The following ZNF654 variants were observed in gnomAD, a reference collection of about 807,000 sequenced individuals.
The protein encoded by ZNF654 is melanoma-associated antigen.
Under a neutral mutation model 95.3 loss-of-function variants are expected in ZNF654, and 19 were observed. That is an observed-to-expected ratio of 0.20 (90% confidence interval 0.14 to 0.29). The LOEUF (loss-of-function observed/expected upper bound fraction) is 0.29. Ranked by LOEUF, ZNF654 falls within the 10% of genes least tolerant of loss-of-function variation. The pLI is 1.00. For missense variants in ZNF654, 1,046 were observed against 1,341.0 expected, an observed-to-expected ratio of 0.78 and a Z score of 3.44; for synonymous variants, 413 against 457.9, an observed-to-expected ratio of 0.90 and a Z score of 1.25.
chr3:88,063,305 G>A (rs1706993578), intron 1 of ZNF654, among the ~76,000 whole-genome samples: 1 of 152,086 alleles, frequency 6.6e-6, no homozygotes, highest in Non-Finnish European at 1.5e-5. Context: ...CCTTTTATGC[G>A]TAATGCCGAT....
At chr3:88,125,912 T>C (rs1236902187) in intron 3 of ZNF654, among the ~76,000 whole-genome samples, 5 of 152,322 alleles carry the variant, frequency 3.3e-5, no homozygotes, top group Admixed American at 6.5e-5. Flanking sequence ...TTTGGGATTT[T>C]CTAAGTCCAG....
intron 7 of ZNF654, 58 bp from the exon 8 acceptor site, chr3:88,138,647 T>C: frequency 9.8e-7 from 1 of 1,020,768 alleles, no homozygotes; most frequent in Non-Finnish European, 1.3e-6. Flanking sequence ...AAAGATAGAC[T>C]AGTATAACCA....
intron 1 of ZNF654, among the ~76,000 whole-genome samples, chr3:88,069,911 A>C (rs1462282813): frequency 6.6e-6 from 1 of 152,222 alleles, no homozygotes; most frequent in African/African-American, 2.4e-5. Context: ...CTCCATATTT[A>C]GATTTAACCT....
chr3:88,114,846 C>T (rs753460757), intron 3 of ZNF654, among the ~76,000 whole-genome samples: 9 of 152,154 alleles, frequency 5.9e-5, no homozygotes, highest in South Asian at 2.1e-4. Context: ...TTGTATTTTC[C>T]AAGCTTATGA....
intron 2 of ZNF654, among the ~76,000 whole-genome samples, chr3:88,098,606 A>G (rs988439390): frequency 7.9e-5 from 12 of 152,204 alleles, no homozygotes; most frequent in Admixed American, 7.9e-4. Flanking sequence ...AACTGAATCC[A>G]GCAGCACAGC....
Position 88,139,335 on chromosome 3 carries a change from G to A in ZNF654, c.1666G>A (p.Gly556Ser). 1 of 1,606,548 alleles carries A rather than the reference G, an allele frequency of 6.2e-7. No homozygotes were observed. The highest frequency in any genetic ancestry group is 8.5e-7 in the Non-Finnish European group (1 of 1,177,462). Residue 556 changes from glycine (G) to serine (S), a missense_variant, in exon 8 of 9, where the codon GGT becomes AGT. Gly to Ser is a moderately conservative substitution (Grantham distance 56). Transcript: ENST00000636215. Reference sequence around the variant, plus strand: ...TATGTTATGTAACAAGGAATTTTTAGGTGGTCACATTGTAAGGCATGCCCA... The same window carrying A: ...TATGTTATGTAACAAGGAATTTTTAAGTGGTCACATTGTAAGGCATGCCCA... Reference protein sequence around the residue: ...RCMLCNKEFLGGHIVRHAQAH... With the variant: ...RCMLCNKEFLSGHIVRHAQAH...
intron 3 of ZNF654, among the ~76,000 whole-genome samples, chr3:88,123,425 G>T (rs1248667077): frequency 6.6e-5 from 10 of 152,160 alleles, no homozygotes. Context: ...CAAGAGTCAA[G>T]TATATAATTC....
intron 1 of ZNF654, among the ~76,000 whole-genome samples, chr3:88,071,177 T>C (rs1471473108): frequency 1.3e-5 from 2 of 152,238 alleles, no homozygotes; most frequent in Non-Finnish European, 2.9e-5. Context: ...TTCTTGATTT[T>C]ATTTAAAAAG....
At chr3:88,064,062 A>C (rs1375997604) in intron 1 of ZNF654, among the ~76,000 whole-genome samples, 1 of 151,190 alleles carries the variant, frequency 6.6e-6, no homozygotes, top group Non-Finnish European at 1.5e-5. Flanking sequence ...TGATTCTGTC[A>C]GTATGGAAGA....
chr3:88,076,159 G>T (rs1707791334), intron 1 of ZNF654, among the ~76,000 whole-genome samples: 1 of 152,116 alleles, frequency 6.6e-6, no homozygotes, highest in African/African-American at 2.4e-5. Context: ...TATATTACTT[G>T]TATAGTAGTC....
chr3:88,115,556 A>G (rs1705339508), intron 3 of ZNF654, among the ~76,000 whole-genome samples: 1 of 152,146 alleles, frequency 6.6e-6, no homozygotes, highest in African/African-American at 2.4e-5. Context: ...TTATTTTTAC[A>G]ATAATACCAA....
At chr3:88,088,761 T>TATGTATGG (rs1417314724) in intron 2 of ZNF654, among the ~76,000 whole-genome samples, 2 of 126,428 alleles carry the variant, frequency 1.6e-5, no homozygotes, top group African/African-American at 6.0e-5. Flanking sequence ...TGTATGTATG[T>TATGTATGG]ATGGATGGAT....
At chr3:88,116,620 G>T (rs1281714151) in intron 3 of ZNF654, among the ~76,000 whole-genome samples, 2 of 151,638 alleles carry the variant, frequency 1.3e-5, no homozygotes, top group Non-Finnish European at 2.9e-5. Context: ...TGTTGTGTGT[G>T]TGTGTGTATA....
rs767916526 is a variant in ZNF654 at position 88,139,523 on chromosome 3, A to C, written c.1854A>C (p.Glu618Asp). ...ATCAGGAAGTCACTGCTTTGGAAGA[A>C]ATAAATTGTTCTAGTTCTTCCATTT... The part of the protein sequence containing the change: ...QDDQEVTALE[E>D]INCSSSSISF... The change falls in exon 8 of 9, where the codon GAA (glutamate) becomes GAC (aspartate). Residue 618 changes from glutamate (E) to aspartate (D), a missense_variant. Coordinates refer to ENST00000636215, the MANE Select transcript of ZNF654 (RefSeq NM_001350134.2). 1 of 1,613,444 alleles carries C rather than the reference A, an allele frequency of 6.2e-7. No individual in the cohort carries two copies. Among genetic ancestry groups the C allele is most frequent in the Non-Finnish European group, 8.5e-7 (1 of 1,179,696 alleles).
chr3:88,125,640 C>T (rs1396916919), intron 3 of ZNF654, among the ~76,000 whole-genome samples: 1 of 152,074 alleles, frequency 6.6e-6, no homozygotes, highest in African/African-American at 2.4e-5. Context: ...CAGCCTTCTA[C>T]CACGATTTAG....
chr3:88,101,469 A>G (rs559094633), intron 2 of ZNF654, among the ~76,000 whole-genome samples: 7 of 152,288 alleles, frequency 4.6e-5, no homozygotes, highest in Non-Finnish European at 2.9e-5. Flanking sequence ...TTAAATGACT[A>G]TTTTTCACTT....
Position 88,142,645 on chromosome 3 carries a change from A to G in ZNF654, c.*993A>G, listed in dbSNP as rs1707188389. ...ATTAAAATAACTGGCTCAAAAAATCAGCTAAGAATCAGGTTGAGAAATCAT... is the reference window on the plus strand; with the variant it reads ...ATTAAAATAACTGGCTCAAAAAATCGGCTAAGAATCAGGTTGAGAAATCAT... On this transcript the variant is annotated 3_prime_UTR_variant, in exon 9 of 9. Transcript: ENST00000636215. The G allele has an allele frequency of 6.6e-6, 1 of 152,386 alleles. No homozygotes were observed. The highest frequency in any genetic ancestry group is 1.5e-5 in the Non-Finnish European group (1 of 67,836). The allele number at this position is 152,386 out of a possible 1,614,324, so 9.4% of individuals were successfully genotyped here. A position where few individuals can be genotyped will look rare whatever the true frequency, so the allele number is the denominator to read the frequency against.
At chr3:88,106,535 C>T (rs1704748429) in intron 2 of ZNF654, among the ~76,000 whole-genome samples, 1 of 151,968 alleles carries the variant, frequency 6.6e-6, no homozygotes, top group Admixed American at 6.6e-5. Flanking sequence ...GACAAGGTTT[C>T]GTTCGCCATG....
chr3:88,114,494 C>T (rs1204988550), intron 3 of ZNF654, among the ~76,000 whole-genome samples: 2 of 152,044 alleles, frequency 1.3e-5, no homozygotes, highest in Non-Finnish European at 2.9e-5. Context: ...GAAAAGTTAG[C>T]GGTTTTGCAT....
Sources: gnomAD v4.1 joint callset for allele counts (sites outside exome capture counted in the v4.1 genomes callset) on GRCh38, gnomAD v4.1.1 for gene constraint, MANE v1.5 for transcripts, NCBI Gene and HGNC (gene_info 2026-07-23, HGNC 2026-07-21) for gene names.